FXR1: variants seen among roughly 807,000 people sequenced by gnomAD.
FXR1 encodes the protein FMR1 autosomal homolog 1.
FXR1 carries 15 observed loss-of-function variants against 84.0 expected under a neutral mutation model. The ratio of observed to expected loss-of-function variants is 0.18; its 90% CI spans 0.12 to 0.27. FXR1 has a LOEUF of 0.27. Ranked by LOEUF, FXR1 falls within the 10% of genes least tolerant of loss-of-function variation. FXR1 has a pLI of 1.00. For synonymous variants in FXR1, 245 were observed against 250.7 expected, an observed-to-expected ratio of 0.98 and a Z score of 0.21; for missense variants, 480 against 774.4, an observed-to-expected ratio of 0.62 and a Z score of 4.51.
At chr3:180,914,754 T>A in intron 1 of FXR1, 1 of 917,304 alleles carries the variant, frequency 1.1e-6, no homozygotes, top group Non-Finnish European at 1.3e-6. Context: ...ACTTAGACTT[T>A]GACTCCATTA....
Position 180,968,265 on chromosome 3 carries a change from C to T in FXR1, c.1402+11C>T, listed in dbSNP as rs981138310. 6.5e-7 allele frequency: 1 copy of T among 1,529,698 alleles called. No individual in the cohort carries two copies. 94.8% of individuals were successfully genotyped at this position (1,529,698 alleles called of 1,614,324 possible). A position where few individuals can be genotyped will look rare whatever the true frequency, so the allele number is the denominator to read the frequency against. On this transcript the variant is annotated intron_variant, in intron 14 of 16. Coordinates refer to ENST00000357559, the MANE Select transcript of FXR1 (RefSeq NM_005087.4). ...CCTCCATCAGTTCTGGTAGTCTTTT[C>T]TATACTCTGTCAGCATCCATTATTT...
intron 3 of FXR1, among the ~76,000 whole-genome samples, chr3:180,946,994 G>A (rs946857382): frequency 1.3e-5 from 2 of 152,084 alleles, no homozygotes; most frequent in Non-Finnish European, 2.9e-5. Flanking sequence ...GACCTATTAC[G>A]TTAATAAAAC....
chr3:180,943,570 A>G (rs1315448202), intron 3 of FXR1, among the ~76,000 whole-genome samples: 1 of 152,050 alleles, frequency 6.6e-6, no homozygotes, highest in Non-Finnish European at 1.5e-5. Flanking sequence ...CCAAATTTGT[A>G]GTGTTTTTGA....
intron 3 of FXR1, among the ~76,000 whole-genome samples, chr3:180,947,622 A>C (rs1412215609): frequency 6.6e-6 from 1 of 152,236 alleles, no homozygotes; most frequent in African/African-American, 2.4e-5. Flanking sequence ...ACTTATGTTT[A>C]GTAAACCTCA....
At chr3:180,964,711 G>A (rs1410776045) in intron 13 of FXR1, among the ~76,000 whole-genome samples, 1 of 138,176 alleles carries the variant, frequency 7.2e-6, no homozygotes, top group Non-Finnish European at 1.5e-5. Context: ...AATGAGTACT[G>A]TAGTTTTATC....
chr3:180,965,781 C>CTA (rs1477073262), intron 13 of FXR1, among the ~76,000 whole-genome samples: 1 of 152,156 alleles, frequency 6.6e-6, no homozygotes, highest in African/African-American at 2.4e-5. Context: ...ATGTTGAGCA[C>CTA]TAGCCAATAC....
At chr3:180,938,909 T>A (rs1469300742) in intron 3 of FXR1, among the ~76,000 whole-genome samples, 3 of 151,908 alleles carry the variant, frequency 2.0e-5, no homozygotes, top group African/African-American at 7.3e-5. Context: ...TATTTTTTAT[T>A]TTTTGAGATG....
chr3:180,963,773 T>G (rs1254574099), intron 13 of FXR1, among the ~76,000 whole-genome samples: 1 of 152,242 alleles, frequency 6.6e-6, no homozygotes, highest in Non-Finnish European at 1.5e-5. Context: ...AACAATTCTC[T>G]AATCCTAAAT....
At chr3:180,929,292 G>A (rs933951772) in intron 1 of FXR1, among the ~76,000 whole-genome samples, 8 of 151,744 alleles carry the variant, frequency 5.3e-5, no homozygotes, top group South Asian at 2.1e-4. Context: ...TTTTTTTTCC[G>A]CCTATCCATA....
Position 180,961,515 on chromosome 3 carries a change from T to C in FXR1, c.1038T>C (p.Asn346=), listed in dbSNP as rs546585566. The C allele has an allele frequency of 2.6e-6, 4 of 1,567,532 alleles. No individual in the cohort carries two copies. In the South Asian group the frequency reaches 4.4e-5, roughly 17 times the overall value. Residue 346 remains asparagine, a synonymous_variant, in exon 11 of 17, where the codon AAT becomes AAC. Coordinates refer to ENST00000357559, the MANE Select transcript of FXR1 (RefSeq NM_005087.4). The part of the protein sequence containing the change: ...VFVGTKESIG[N]VQVLLEYHIA... The stretch of plus-strand genomic sequence containing the variant: ...TTGGCACTAAAGAAAGCATTGGAAA[T>C]GTGCAGGTTCTTCTAGAGTATCATA...
rs757660553 is a variant in FXR1, at chr3:180,970,237, C to T, written c.1482C>T (p.Ser494=). 6.9e-6 allele frequency: 11 copies of T among 1,598,966 alleles called. No individual in the cohort carries two copies. The highest frequency in any genetic ancestry group is 1.7e-5 in the Admixed American group (1 of 59,892). The change falls in exon 15 of 17, where the codon AGC becomes AGT. Residue 494 remains serine, a synonymous_variant. Transcript: ENST00000357559. ...ESDQTADTDA[S]ESHHSTNRRR... ...ATCAGACTGCAGACACTGATGCCAG[C>T]GAATCTCATCACAGTACTAACCGTC... is the stretch of plus-strand genomic sequence containing the variant.
intron 14 of FXR1, 45 bp from the exon 15 acceptor site, chr3:180,970,113 G>T (rs979042178): frequency 1.0e-6 from 1 of 970,364 alleles, no homozygotes; most frequent in Non-Finnish European, 1.7e-6. Flanking sequence ...ATTCATAATT[G>T]CAGTACTCTT....
chr3:180,953,626 C>T, intron 8 of FXR1, 136 bp from the exon 9 acceptor site: 2 of 530,428 alleles, frequency 3.8e-6, no homozygotes, highest in Admixed American at 3.4e-5. Context: ...GAAATCTCTC[C>T]CCAGTGGAAT....
At chr3:180,967,899 C>T (rs981651136) in intron 13 of FXR1, 152 bp from the exon 14 acceptor site, 14 of 597,606 alleles carry the variant, frequency 2.3e-5, no homozygotes, top group Middle Eastern at 4.5e-4. Context: ...TTCCTTAGTA[C>T]GTTTCAGATT....
chr3:180,963,008 T>A lies in FXR1; in HGVS notation c.1136-20T>A, dbSNP rs775928600. 2 of 1,607,556 alleles carry A rather than the reference T, an allele frequency of 1.2e-6. No homozygotes were observed. Among genetic ancestry groups the A allele is most frequent in the Non-Finnish European group, 1.7e-6 (2 of 1,174,296 alleles). On this transcript the variant is annotated intron_variant, in intron 12 of 16. Coordinates refer to ENST00000357559, the MANE Select transcript of FXR1 (RefSeq NM_005087.4). Reference sequence around the variant, plus strand: ...AGAAAGGATATGCCACTGATGAAAGTACCGTCTCTTCTGTACAAGGTTCTA... The same window carrying A: ...AGAAAGGATATGCCACTGATGAAAGAACCGTCTCTTCTGTACAAGGTTCTA...
chr3:180,949,297 A>G lies in FXR1; in HGVS notation c.584A>G (p.Lys195Arg). The G allele has an allele frequency of 6.3e-7, 1 of 1,599,224 alleles. No homozygotes were observed. Among genetic ancestry groups the G allele is most frequent in the Non-Finnish European group, 8.6e-7 (1 of 1,166,338 alleles). The change falls in exon 7 of 17, where the codon AAG becomes AGG. Residue 195 changes from lysine to arginine, a missense_variant. By Grantham distance (26) the Lys-to-Arg change is conservative (BLOSUM62 2). This residue lies in a region of FXR1 where 136 missense variants were observed against 315.4 expected (regional missense o/e 0.43). Transcript: ENST00000357559. The stretch of plus-strand genomic sequence containing the variant: ...ATGCATTTGCGAAGTATTCGTACGA[A>G]GTTGATGCTTATGTCCAGAAATGAA... ...SDMHLRSIRT[K>R]LMLMSRNEEA... is the part of the protein sequence containing the mutation.
intron 13 of FXR1, 22 bp downstream of exon 13, chr3:180,963,112 T>C: frequency 1.9e-6 from 2 of 1,069,214 alleles, no homozygotes; most frequent in Non-Finnish European, 2.8e-6. Flanking sequence ...TTTTTTTTTT[T>C]TTTTTTTGGT....
At chr3:180,914,039 C>G (rs1717578846) in intron 1 of FXR1, among the ~76,000 whole-genome samples, 2 of 152,164 alleles carry the variant, frequency 1.3e-5, no homozygotes, top group Admixed American at 6.5e-5. Flanking sequence ...TGGGGAATCA[C>G]AGCGTATAAA....
At chr3:180,919,282 AT>A (rs1718270824) in intron 1 of FXR1, among the ~76,000 whole-genome samples, 1 of 133,082 alleles carries the variant, frequency 7.5e-6, no homozygotes, top group Non-Finnish European at 1.5e-5. Context: ...TTTTTTTTTT[AT>A]TTTTGTTTTT....
Sources: gnomAD v4.1 joint callset for allele counts (sites outside exome capture counted in the v4.1 genomes callset) on GRCh38, gnomAD v4.1.1 for gene constraint, gnomAD v4.1.1 regional missense constraint, MANE v1.5 for transcripts, NCBI Gene and HGNC (gene_info 2026-07-23, HGNC 2026-07-21) for gene names.